The following MICU1 variants were observed in gnomAD, a reference collection of about 807,000 sequenced individuals.
The protein encoded by MICU1 is calcium uptake protein 1, mitochondrial.
In MICU1, 45 loss-of-function variants were observed where a neutral mutation model predicts 56.8. The ratio of observed to expected loss-of-function variants is 0.79; its 90% CI spans 0.62 to 1.02. MICU1 has a LOEUF of 1.02. Among genes scored for constraint, MICU1 ranks in the 50% least tolerant of loss-of-function variants. The probability of loss-of-function intolerance (pLI) is 0.00; values close to 1 mark genes in which losing one functional copy is unlikely to be tolerated. For missense variants in MICU1, 504 were observed against 587.1 expected, an observed-to-expected ratio of 0.86 and a Z score of 1.46; for synonymous variants, 186 against 195.1, an observed-to-expected ratio of 0.95 and a Z score of 0.39.
At chr10:72,577,186 A>G (rs957193709) in intron 1 of MICU1, among the ~76,000 whole-genome samples, 3 of 151,840 alleles carry the variant, frequency 2.0e-5, no homozygotes, top group Non-Finnish European at 4.4e-5. Context: ...CTCTGGGGGG[A>G]CAGGTGGGAG....
At chr10:72,460,792 G>GA (rs560161699) in intron 8 of MICU1, among the ~76,000 whole-genome samples, 107 of 150,290 alleles carry the variant, frequency 7.1e-4, no homozygotes, top group Non-Finnish European at 1.0e-3. Context: ...TTCTAAGAAA[G>GA]AAAAAAAATT....
chr10:72,566,044 T>TC (rs1465933246), intron 2 of MICU1, among the ~76,000 whole-genome samples: 1 of 140,072 alleles, frequency 7.1e-6, no homozygotes, highest in Non-Finnish European at 1.5e-5. Context: ...ATTTTCTTTT[T>TC]TTTTTTTTTT....
At position 72,448,256 on chromosome 10, in the gene MICU1, C is replaced by T. The variant is rs533080914; in HGVS notation, c.934-24885G>A. Among the ~76,000 whole-genome samples the T allele has an allele frequency of 3.9e-5, 5 of 129,224 alleles. No individual in the cohort carries two copies. In the South Asian group the frequency reaches 1.4e-3, roughly 36 times the overall value. The allele number at this position is 129,224 out of a possible 152,430, so 84.8% of individuals were successfully genotyped here. Reference sequence around the variant, plus strand: ...GCTCTCTTGCCGAGGCTCACTGCAACCTCCGCCTCCTGGTTCAAGTGATTC... The same window carrying T: ...GCTCTCTTGCCGAGGCTCACTGCAATCTCCGCCTCCTGGTTCAAGTGATTC... On this transcript the variant is annotated intron_variant, in intron 8 of 11. Coordinates refer to ENST00000361114, the MANE Select transcript of MICU1 (RefSeq NM_001195518.2).
intron 9 of MICU1, among the ~76,000 whole-genome samples, chr10:72,410,291 G>A (rs1257160502): frequency 6.6e-6 from 1 of 152,148 alleles, no homozygotes; most frequent in Non-Finnish European, 1.5e-5. Flanking sequence ...TATGAACAGT[G>A]ATGCATCTGT....
intron 10 of MICU1, among the ~76,000 whole-genome samples, chr10:72,384,789 A>T (rs886831830): frequency 1.4e-4 from 22 of 152,088 alleles, no homozygotes; most frequent in Admixed American, 1.2e-3. Context: ...AAAATTGATG[A>T]CTCTGTCTTA....
chr10:72,554,755 C>T (rs1420484541), intron 3 of MICU1, among the ~76,000 whole-genome samples: 1 of 152,222 alleles, frequency 6.6e-6, no homozygotes, highest in East Asian at 1.9e-4. Context: ...TGGCTCATGC[C>T]TGTAATCCCA....
At chr10:72,511,060 T>C (rs1238266273) in intron 5 of MICU1, among the ~76,000 whole-genome samples, 1 of 152,246 alleles carries the variant, frequency 6.6e-6, no homozygotes, top group East Asian at 1.9e-4. Context: ...TTAGTCTCCA[T>C]TAATAGGGAA....
At position 72,586,932 on chromosome 10, in the gene MICU1, C is replaced by T. The variant is rs116170037; in HGVS notation, c.-1-20138G>A. ...GGGGAAAATAACACTGTGTGAAAACCGCATCCCTAGCATGTTTTGAAGACA... is the reference window on the plus strand; with the variant it reads ...GGGGAAAATAACACTGTGTGAAAACTGCATCCCTAGCATGTTTTGAAGACA... On this transcript the variant is annotated intron_variant, in intron 1 of 11. Coordinates refer to ENST00000361114, the MANE Select transcript of MICU1 (RefSeq NM_001195518.2). Among the ~76,000 whole-genome samples, 485 of 152,156 alleles carry T rather than the reference C, an allele frequency of 3.2e-3. 4 individuals are homozygous for T. Among genetic ancestry groups the T allele is most frequent in the African/African-American group, 0.011 (454 of 41,494 alleles).
At chr10:72,391,058 A>ACAACC (rs1863051469) in intron 10 of MICU1, among the ~76,000 whole-genome samples, 1 of 152,264 alleles carries the variant, frequency 6.6e-6, no homozygotes, top group African/African-American at 2.4e-5. Context: ...ATTTAGTCTC[A>ACAACC]CAACCCTATG....
At chr10:72,430,101 C>T (rs1330552829) in intron 8 of MICU1, among the ~76,000 whole-genome samples, 3 of 151,156 alleles carry the variant, frequency 2.0e-5, no homozygotes, top group African/African-American at 4.9e-5. Context: ...TCATACTAAC[C>T]TTACTTAACT....
At chr10:72,556,086 T>A (rs1840151920) in intron 3 of MICU1, among the ~76,000 whole-genome samples, 1 of 152,102 alleles carries the variant, frequency 6.6e-6, no homozygotes, top group African/African-American at 2.4e-5. Flanking sequence ...AAAGGTTTTG[T>A]AAATGTATCA....
chr10:72,603,962 T>G (rs1454287258), intron 1 of MICU1, among the ~76,000 whole-genome samples: 1 of 152,210 alleles, frequency 6.6e-6, no homozygotes, highest in Non-Finnish European at 1.5e-5. Context: ...TTAAGTTCTG[T>G]GGCAGAAATT....
intron 8 of MICU1, among the ~76,000 whole-genome samples, chr10:72,457,190 G>A (rs1047594991): frequency 6.6e-6 from 1 of 150,908 alleles, no homozygotes; most frequent in African/African-American, 2.4e-5. Flanking sequence ...TAGAAGGAGT[G>A]GGTTAGAAAC....
intron 8 of MICU1, among the ~76,000 whole-genome samples, chr10:72,457,585 G>A (rs1865511834): frequency 6.6e-6 from 1 of 151,972 alleles, no homozygotes; most frequent in African/African-American, 2.4e-5. Context: ...CACCAAGCTG[G>A]GGTCACAGAA....
intron 9 of MICU1, among the ~76,000 whole-genome samples, chr10:72,422,639 T>C (rs1419019171): frequency 6.6e-6 from 1 of 152,146 alleles, no homozygotes; most frequent in Non-Finnish European, 1.5e-5. Context: ...CTCGCTGTTA[T>C]ATGTGACATG....
At chr10:72,441,615 CT>C (rs71018287) in intron 8 of MICU1, among the ~76,000 whole-genome samples, 6,942 of 105,302 alleles carry the variant, frequency 0.066, 212 homozygotes, top group African/African-American at 0.19. Flanking sequence ...TTTAATTTTT[CT>C]TTTTTTTTTT....
intron 10 of MICU1, among the ~76,000 whole-genome samples, chr10:72,405,047 C>CA (rs1863582154): frequency 6.6e-6 from 1 of 152,034 alleles, no homozygotes; most frequent in African/African-American, 2.4e-5. Flanking sequence ...GCTGGGACTA[C>CA]AGGCATGTGC....
At chr10:72,564,043 G>A (rs1229754814) in intron 2 of MICU1, among the ~76,000 whole-genome samples, 1 of 152,156 alleles carries the variant, frequency 6.6e-6, no homozygotes, top group African/African-American at 2.4e-5. Context: ...TCTGGTAGTT[G>A]AAGCCATTGC....
chr10:72,375,775 C>A lies in MICU1; in HGVS notation c.1270+8G>T. On this transcript the variant is annotated splice_region_variant and intron_variant, in intron 11 of 11. Coordinates refer to ENST00000361114, the MANE Select transcript of MICU1 (RefSeq NM_001195518.2). ...TTTCCCCTCCGGGCTCCAGAGGGCC[C>A]CACTCACCATCACAGTCAAAGAGTG... 1 of 1,610,766 alleles carries A rather than the reference C, an allele frequency of 6.2e-7. No individual in the cohort carries two copies. The highest frequency in any genetic ancestry group is 1.3e-5 in the African/African-American group (1 of 74,836).
Sources: gnomAD v4.1 joint callset for allele counts (sites outside exome capture counted in the v4.1 genomes callset) on GRCh38, gnomAD v4.1.1 for gene constraint, MANE v1.5 for transcripts, NCBI Gene and HGNC (gene_info 2026-07-23, HGNC 2026-07-21) for gene names.